The following RBFOX1 variants were observed in gnomAD, a reference collection of about 807,000 sequenced individuals.
RBFOX1 encodes RNA binding fox-1 homolog 1.
RBFOX1 carries 8 observed loss-of-function variants against 57.7 expected under a neutral mutation model. The ratio of observed to expected loss-of-function variants is 0.14; its 90% CI spans 0.08 to 0.25. RBFOX1 has a LOEUF of 0.25. Among genes scored for constraint, RBFOX1 ranks in the 10% least tolerant of loss-of-function variants. RBFOX1 has a pLI of 1.00. For missense variants in RBFOX1, 611 were observed against 548.5 expected, an observed-to-expected ratio of 1.11 and a Z score of -1.14; for synonymous variants, 326 against 222.4, an observed-to-expected ratio of 1.47 and a Z score of -4.15.
chr16:7,661,096 T>TTACTA (rs2067604589), intron 12 of RBFOX1, among the ~76,000 whole-genome samples: 1 of 152,152 alleles, frequency 6.6e-6, no homozygotes, highest in Admixed American at 6.5e-5. Flanking sequence ...GCTCGTGCTG[T>TTACTA]TACTATTAGG....
chr16:7,229,229 T>C (rs1391805171), intron 4 of RBFOX1, among the ~76,000 whole-genome samples: 1 of 152,220 alleles, frequency 6.6e-6, no homozygotes, highest in Non-Finnish European at 1.5e-5. Context: ...AGTGATGCAT[T>C]GCAATCTTCT....
intron 4 of RBFOX1, among the ~76,000 whole-genome samples, chr16:5,995,047 A>G (rs1190339388): frequency 1.3e-5 from 2 of 152,230 alleles, no homozygotes; most frequent in African/African-American, 4.8e-5. Context: ...ACAACCATGC[A>G]TTGATCTTAA....
At chr16:5,996,053 C>G (rs186312317) in intron 4 of RBFOX1, among the ~76,000 whole-genome samples, 14 of 152,216 alleles carry the variant, frequency 9.2e-5, no homozygotes, top group Admixed American at 7.2e-4. Context: ...TATAAGAGTA[C>G]TAATTCCAAG....
At chr16:6,671,575 C>G (rs2098765200) in intron 3 of RBFOX1, among the ~76,000 whole-genome samples, 1 of 152,154 alleles carries the variant, frequency 6.6e-6, no homozygotes, top group East Asian at 1.9e-4. Context: ...TCAGATTCCT[C>G]TTCTGAACCC....
chr16:5,482,330 G>A lies in RBFOX1; in HGVS notation c.258+15076G>A, dbSNP rs1597244320. On this transcript the variant is annotated intron_variant, in intron 2 of 2. Transcript: ENST00000585867. Reference sequence around the variant, plus strand: ...TGTGATGCACACCATTCGGTACTGGGAGGTAGAGACTTTGCCTTCCAGCCC... The same window carrying A: ...TGTGATGCACACCATTCGGTACTGGAAGGTAGAGACTTTGCCTTCCAGCCC... Among the ~76,000 whole-genome samples the A allele has an allele frequency of 2.0e-5, 3 of 152,260 alleles. 1 individual carries two copies. The highest frequency in any genetic ancestry group is 2.0e-4 in the Admixed American group (3 of 15,288).
chr16:5,385,998 A>T (rs1233231196), intron 1 of RBFOX1, among the ~76,000 whole-genome samples: 2 of 152,136 alleles, frequency 1.3e-5, no homozygotes, highest in Non-Finnish European at 2.9e-5. Context: ...GAGGAAATGA[A>T]TGCCTCTTTT....
chr16:6,943,407 C>T (rs951514065), intron 3 of RBFOX1, among the ~76,000 whole-genome samples: 1 of 152,252 alleles, frequency 6.6e-6, no homozygotes, highest in Non-Finnish European at 1.5e-5. Context: ...GAAAATCTAA[C>T]TTAAGAGTAT....
At chr16:5,375,805 C>G (rs2065969877) in intron 1 of RBFOX1, among the ~76,000 whole-genome samples, 1 of 152,198 alleles carries the variant, frequency 6.6e-6, no homozygotes, top group South Asian at 2.1e-4. Flanking sequence ...CTTTAATATA[C>G]TGTTGTTAAA....
At chr16:5,618,546 C>A (rs1369796070) in intron 3 of RBFOX1, among the ~76,000 whole-genome samples, 1 of 152,118 alleles carries the variant, frequency 6.6e-6, no homozygotes, top group African/African-American at 2.4e-5. Context: ...ACCGTGTTAG[C>A]CAGGATGTTC....
intron 3 of RBFOX1, among the ~76,000 whole-genome samples, chr16:6,665,216 G>T (rs2098724247): frequency 6.6e-6 from 1 of 152,070 alleles, no homozygotes; most frequent in Non-Finnish European, 1.5e-5. Flanking sequence ...TGTGGCTTAA[G>T]AGGTGTCACT....
chr16:6,912,509 G>A (rs373245534), intron 3 of RBFOX1, among the ~76,000 whole-genome samples: 11 of 152,270 alleles, frequency 7.2e-5, no homozygotes, highest in African/African-American at 2.6e-4. Context: ...GGTGGGCTAA[G>A]ATAACTAAAC....
At chr16:5,735,425 G>A (rs996081389) in intron 3 of RBFOX1, among the ~76,000 whole-genome samples, 1 of 152,172 alleles carries the variant, frequency 6.6e-6, no homozygotes, top group East Asian at 1.9e-4. Context: ...TGGCATTAGC[G>A]ATACAACTTT....
intron 11 of RBFOX1, among the ~76,000 whole-genome samples, chr16:7,634,487 A>G (rs2061458899): frequency 1.3e-5 from 2 of 152,242 alleles, no homozygotes; most frequent in South Asian, 4.1e-4. Flanking sequence ...TGGTTTTTAA[A>G]GGAACCCTGC....
chr16:5,876,006 G>C (rs1376036494), intron 4 of RBFOX1, among the ~76,000 whole-genome samples: 1 of 152,108 alleles, frequency 6.6e-6, no homozygotes, highest in African/African-American at 2.4e-5. Flanking sequence ...AGCACACCCA[G>C]CTAATTTTTT....
intron 4 of RBFOX1, among the ~76,000 whole-genome samples, chr16:5,924,088 A>G (rs955541066): frequency 6.6e-6 from 1 of 152,106 alleles, no homozygotes; most frequent in Non-Finnish European, 1.5e-5. Context: ...TTTTATAAGC[A>G]TCTGGTAGTT....
At chr16:6,645,770 T>C (rs999460234) in intron 2 of RBFOX1, among the ~76,000 whole-genome samples, 1 of 152,158 alleles carries the variant, frequency 6.6e-6, no homozygotes, top group Non-Finnish European at 1.5e-5. Context: ...TACTGATAAC[T>C]TGCCATATGC....
chr16:6,858,445 G>C (rs74007778), intron 3 of RBFOX1, among the ~76,000 whole-genome samples: 15,537 of 152,158 alleles, frequency 0.1, 908 homozygotes, highest in African/African-American at 0.15. Flanking sequence ...CCACAATCTC[G>C]TTATGGGAAG....
rs145949524 is a variant in RBFOX1, at chr16:6,513,994, C to G, written c.-63-140609C>G. Among the ~76,000 whole-genome samples, 897 of 152,282 alleles carry G rather than the reference C, an allele frequency of 5.9e-3. 6 individuals are homozygous for G. The highest frequency in any genetic ancestry group is 0.023 in the Admixed American group (346 of 15,298). ...GGAGGCTCAACACATGTCCACTGTG[C>G]TTTGCAAATGGCGCATGTCCACCTT... is the stretch of plus-strand genomic sequence containing the variant. On this transcript the variant is annotated intron_variant, in intron 2 of 15. Coordinates refer to ENST00000550418, the MANE Select transcript of RBFOX1 (RefSeq NM_018723.4).
At chr16:6,581,219 G>A (rs1183501572) in intron 2 of RBFOX1, among the ~76,000 whole-genome samples, 1 of 152,108 alleles carries the variant, frequency 6.6e-6, no homozygotes, top group Admixed American at 6.6e-5. Context: ...TAAAGACCCA[G>A]GGAAGCTTTC....
Sources: allele counts gnomAD v4.1 joint callset (sites outside exome capture counted in the v4.1 genomes callset), GRCh38; gene constraint gnomAD v4.1.1; transcripts MANE v1.5; gene names NCBI Gene and HGNC (gene_info 2026-07-23, HGNC 2026-07-21).